GPALPP1: variants seen among roughly 807,000 people sequenced by gnomAD.
The protein encoded by GPALPP1 is GPALPP motifs containing 1, also known as GPALPP motifs-containing protein 1.
GPALPP1 carries 30 observed loss-of-function variants against 38.9 expected under a neutral mutation model. The ratio of observed to expected loss-of-function variants is 0.77; its 90% CI spans 0.58 to 1.05. The LOEUF (loss-of-function observed/expected upper bound fraction) is 1.05. Ranked by LOEUF, GPALPP1 falls within the 50% of genes least tolerant of loss-of-function variation. GPALPP1 has a pLI of 0.00. For missense variants in GPALPP1, 384 were observed against 408.8 expected (o/e 0.94, Z 0.52); for synonymous variants, 120 against 139.2 (o/e 0.86, Z 0.97).
rs1872601188 is a variant in GPALPP1 at position 44,989,566 on chromosome 13, A to G, written c.-89A>G. ...ATTTCTCGGCGCCGGGAAACCTGCC[A>G]TTCTTCGCTGCTGATCGCGGGATTC... On this transcript the variant is annotated 5_prime_UTR_variant, in exon 1 of 8. Transcript: ENST00000379151. 6.7e-7 allele frequency: 1 copy of G among 1,492,644 alleles called. No individual in the cohort carries two copies. The highest frequency in any genetic ancestry group is 1.7e-4 in the Middle Eastern group (1 of 5,776). 92.5% of individuals were successfully genotyped at this position (1,492,644 alleles called of 1,614,324 possible).
downstream of GPALPP1, chr13:45,033,524 T>C (rs922059914): frequency 2.0e-5 from 3 of 152,238 alleles, no homozygotes; most frequent in Non-Finnish European, 4.4e-5. Context: ...CTTTTCATTT[T>C]GAGCTTTACT....
rs138821971 is a variant in GPALPP1 at position 44,992,870 on chromosome 13, G to A, written c.88+3128G>A. Among the ~76,000 whole-genome samples the A allele has an allele frequency of 5.3e-3, 813 of 152,224 alleles. 6 individuals carry two copies. The highest frequency in any genetic ancestry group is 8.6e-3 in the Non-Finnish European group (587 of 68,014). ...TTAGGTACAGTCACATTGTTGTGCG[G>A]TCATCACCACCATCCATCTCTAGAA... On this transcript the variant is annotated intron_variant, in intron 1 of 7. Transcript: ENST00000379151.
intron 1 of GPALPP1, 172 bp downstream of exon 1, chr13:44,989,914 G>T: frequency 3.3e-6 from 2 of 601,616 alleles, no homozygotes; most frequent in Non-Finnish European, 5.9e-6. Context: ...AGGAGGCTGG[G>T]GGACCCTCCT....
chr13:44,999,040 G>A (rs995004072), intron 1 of GPALPP1, among the ~76,000 whole-genome samples: 2 of 152,162 alleles, frequency 1.3e-5, no homozygotes, highest in Non-Finnish European at 2.9e-5. Flanking sequence ...TGTACAACAA[G>A]AAGGAAGCAA....
exon 8 of GPALPP1, chr13:45,035,963 A>G (rs11620027): frequency 0.14 from 20,956 of 152,138 alleles, 2,182 homozygotes; most frequent in East Asian, 0.27. Flanking sequence ...CCAGGAGTTC[A>G]AGGCTACCCT....
chr13:45,031,844 C>T (rs1876210868), downstream of GPALPP1: 2 of 152,160 alleles, frequency 1.3e-5, no homozygotes, highest in Non-Finnish European at 2.9e-5. Flanking sequence ...TTCCATCTGG[C>T]AGGAGACATT....
chr13:45,008,476 A>AT (rs1171147903), intron 3 of GPALPP1, among the ~76,000 whole-genome samples: 1 of 152,210 alleles, frequency 6.6e-6, no homozygotes, highest in East Asian at 1.9e-4. Context: ...TAGTACATCA[A>AT]TTTTTTTAAA....
chr13:45,000,611 C>G (rs145629326), intron 1 of GPALPP1, among the ~76,000 whole-genome samples: 5 of 152,102 alleles, frequency 3.3e-5, no homozygotes, highest in African/African-American at 4.8e-5. Context: ...ACATGGATAG[C>G]AGTCACATAT....
intron 7 of GPALPP1, among the ~76,000 whole-genome samples, chr13:45,022,990 A>G (rs534034231): frequency 1.3e-5 from 2 of 152,344 alleles, no homozygotes; most frequent in South Asian, 4.1e-4. Flanking sequence ...ACAGTGAGCT[A>G]TGACCACACC....
exon 8 of GPALPP1, chr13:45,035,670 G>A (rs1876382316): frequency 6.6e-6 from 1 of 152,126 alleles, no homozygotes. Context: ...TTTTTACTTA[G>A]GGACTGAAAA....
intron 7 of GPALPP1, among the ~76,000 whole-genome samples, chr13:45,025,471 G>C (rs1875766480): frequency 6.6e-6 from 1 of 152,122 alleles, no homozygotes; most frequent in South Asian, 2.1e-4. Context: ...TTACAGAGAT[G>C]TTGTGAGGAT....
chr13:45,015,238 A>G (rs1874762124), intron 5 of GPALPP1, among the ~76,000 whole-genome samples, 155 bp downstream of exon 5: 1 of 152,242 alleles, frequency 6.6e-6, no homozygotes, highest in Non-Finnish European at 1.5e-5. Context: ...TCTAAAAGAA[A>G]AATAACAAAT....
intron 1 of GPALPP1, among the ~76,000 whole-genome samples, chr13:44,994,033 A>G (rs1873058141): frequency 6.6e-6 from 1 of 150,476 alleles, no homozygotes; most frequent in African/African-American, 2.4e-5. Flanking sequence ...CATGAGTTCA[A>G]GACCAGCCTG....
chr13:44,998,163 C>T (rs571804844), intron 1 of GPALPP1, among the ~76,000 whole-genome samples: 82 of 152,330 alleles, frequency 5.4e-4, no homozygotes, highest in Non-Finnish European at 9.7e-4. Context: ...CCTAAATCCA[C>T]GCCAAGCTTT....
chr13:45,023,088 A>G (rs1875542584), intron 7 of GPALPP1, among the ~76,000 whole-genome samples: 1 of 151,320 alleles, frequency 6.6e-6, no homozygotes, highest in East Asian at 1.9e-4. Flanking sequence ...TAAATATTGT[A>G]TATTGTTAGA....
intron 1 of GPALPP1, among the ~76,000 whole-genome samples, chr13:44,998,442 A>G (rs1304210012): frequency 6.6e-6 from 1 of 152,004 alleles, no homozygotes; most frequent in Non-Finnish European, 1.5e-5. Context: ...GACCCTCACC[A>G]ATTCAAGGCT....
chr13:45,036,333 A>C (rs950638225), exon 8 of GPALPP1: 3 of 152,182 alleles, frequency 2.0e-5, no homozygotes, highest in African/African-American at 7.2e-5. Context: ...CCCTAAGAGG[A>C]ATAGTCAGAT....
intron 1 of GPALPP1, among the ~76,000 whole-genome samples, chr13:44,999,953 C>T (rs972531120): frequency 6.6e-6 from 1 of 152,142 alleles, no homozygotes; most frequent in African/African-American, 2.4e-5. Context: ...TTGAACAACT[C>T]AAATAGAAAT....
At chr13:45,008,031 C>T (rs1874214959) in intron 3 of GPALPP1, among the ~76,000 whole-genome samples, 1 of 152,122 alleles carries the variant, frequency 6.6e-6, no homozygotes, top group Non-Finnish European at 1.5e-5. Flanking sequence ...ACTTTGACAT[C>T]AAGTAGACCA....
Sources: gnomAD v4.1 joint callset for allele counts (sites outside exome capture counted in the v4.1 genomes callset) on GRCh38, gnomAD v4.1.1 for gene constraint, MANE v1.5 for transcripts, NCBI Gene and HGNC (gene_info 2026-07-23, HGNC 2026-07-21) for gene names.